Variants in COL19A1 observed in about 807,000 individuals in gnomAD.
The protein encoded by COL19A1 is collagen type XIX alpha 1 chain, also known as collagen alpha-1(XIX) chain.
In COL19A1, 159 loss-of-function variants were observed where a neutral mutation model predicts 190.2. The observed-to-expected ratio is 0.84, with a 90% CI of 0.73 to 0.95. The LOEUF (loss-of-function observed/expected upper bound fraction) is 0.95, where lower values mean the gene tolerates loss of function less well. Among genes scored for constraint, COL19A1 ranks in the 40% least tolerant of loss-of-function variants. COL19A1 has a pLI of 0.00. For synonymous variants in COL19A1, 509 were observed against 458.9 expected, an observed-to-expected ratio of 1.11 and a Z score of -1.39; for missense variants, 1,418 against 1,431.9, an observed-to-expected ratio of 0.99 and a Z score of 0.16.
intron 1 of COL19A1, among the ~76,000 whole-genome samples, chr6:69,869,681 A>T (rs1767707262): frequency 6.6e-6 from 1 of 152,230 alleles, no homozygotes; most frequent in Non-Finnish European, 1.5e-5. Context: ...TTGTAATCAG[A>T]AAAAAATGTA....
At chr6:70,160,153 A>G (rs9454994) in intron 34 of COL19A1, among the ~76,000 whole-genome samples, 115,531 of 151,970 alleles carry the variant, frequency 0.76, 44,842 homozygotes, top group African/African-American at 0.9. Context: ...AATTTATAAA[A>G]GAAAGAGGTT....
Position 70,151,447 on chromosome 6 carries a change from T to C in COL19A1, c.2079+9T>C, listed in dbSNP as rs528261479. 17 of 1,611,676 alleles carry C rather than the reference T, an allele frequency of 1.1e-5. No homozygotes were observed. The African/African-American group carries it at 2.0e-4, about 19-fold the overall frequency. ...TCGGTGCTTTGCTCAAGGTACTCTA[T>C]TGCTATGTAAGAAATTATGTGTTAA... On this transcript the variant is annotated intron_variant, in intron 31 of 50. Transcript: ENST00000620364.
intron 31 of COL19A1, among the ~76,000 whole-genome samples, chr6:70,152,990 G>A (rs943275348): frequency 2.0e-5 from 3 of 152,056 alleles, no homozygotes; most frequent in South Asian, 2.1e-4. Context: ...AATCTCGCCC[G>A]GGAATCATCC....
At chr6:70,044,976 G>A (rs984185022) in intron 14 of COL19A1, among the ~76,000 whole-genome samples, 2 of 151,850 alleles carry the variant, frequency 1.3e-5, no homozygotes, top group South Asian at 2.1e-4. Flanking sequence ...CATTCATTAT[G>A]AGCATGTTTT....
At chr6:69,984,831 A>C (rs60984333) in intron 11 of COL19A1, among the ~76,000 whole-genome samples, 17 of 152,130 alleles carry the variant, frequency 1.1e-4, no homozygotes, top group Non-Finnish European at 2.1e-4. Context: ...TTAGTCTTCT[A>C]TCATTGAGTG....
intron 15 of COL19A1, among the ~76,000 whole-genome samples, chr6:70,099,201 C>T (rs976150199): frequency 3.3e-5 from 5 of 151,832 alleles, no homozygotes. Context: ...GTCACTGATA[C>T]TTGAGACTTA....
chr6:69,977,154 G>C (rs1401982977), intron 11 of COL19A1, among the ~76,000 whole-genome samples: 2 of 152,026 alleles, frequency 1.3e-5, no homozygotes, highest in African/African-American at 4.8e-5. Context: ...CAAACACTTA[G>C]AACCAACCCA....
At chr6:69,915,934 CTT>C (rs10707834) in intron 4 of COL19A1, among the ~76,000 whole-genome samples, 3,571 of 110,840 alleles carry the variant, frequency 0.032, 168 homozygotes, top group African/African-American at 0.12. Context: ...CTCATCTCAT[CTT>C]TTTTTTTTTT....
chr6:69,939,503 A>C (rs1181657657), intron 9 of COL19A1, among the ~76,000 whole-genome samples: 1 of 152,066 alleles, frequency 6.6e-6, no homozygotes, highest in Non-Finnish European at 1.5e-5. Context: ...TGGGATCTGA[A>C]ACCAGTAGGT....
At chr6:70,072,988 T>C (rs1781649335) in intron 15 of COL19A1, among the ~76,000 whole-genome samples, 2 of 151,256 alleles carry the variant, frequency 1.3e-5, no homozygotes, top group South Asian at 2.1e-4. Flanking sequence ...TATTTATTTA[T>C]TTATTTATTT....
chr6:69,959,060 T>A (rs1774607356), intron 9 of COL19A1, among the ~76,000 whole-genome samples: 1 of 152,150 alleles, frequency 6.6e-6, no homozygotes. Context: ...CAAAGTAAAT[T>A]CCTATAAGCA....
intron 8 of COL19A1, among the ~76,000 whole-genome samples, chr6:69,937,349 T>A (rs1773176867): frequency 2.0e-5 from 3 of 152,182 alleles, no homozygotes; most frequent in South Asian, 2.1e-4. Flanking sequence ...TTCAACTGGC[T>A]GTCTCCATCC....
intron 11 of COL19A1, among the ~76,000 whole-genome samples, chr6:69,990,229 A>G (rs1934904): frequency 0.57 from 86,296 of 151,852 alleles, 25,098 homozygotes; most frequent in East Asian, 0.72. Context: ...CTTAGACTCC[A>G]TCTTGTATTA....
At chr6:70,137,793 G>T (rs770359771) in intron 19 of COL19A1, 46 bp downstream of exon 19, 1 of 1,589,744 alleles carries the variant, frequency 6.3e-7, no homozygotes, top group Non-Finnish European at 8.6e-7. Context: ...TCTAAAAAAC[G>T]GGATTAAAAA....
intron 27 of COL19A1, among the ~76,000 whole-genome samples, chr6:70,147,280 T>C (rs1267104542): frequency 6.6e-6 from 1 of 152,176 alleles, no homozygotes; most frequent in African/African-American, 2.4e-5. Flanking sequence ...GGATGGAGTA[T>C]GCATAAGTGA....
intron 15 of COL19A1, among the ~76,000 whole-genome samples, chr6:70,075,926 T>C (rs1375070063): frequency 1.3e-5 from 2 of 152,234 alleles, no homozygotes; most frequent in African/African-American, 2.4e-5. Flanking sequence ...ATAAGTTTTC[T>C]CTTTTATATG....
chr6:70,133,938 C>T (rs1785672739), intron 18 of COL19A1, among the ~76,000 whole-genome samples: 1 of 152,192 alleles, frequency 6.6e-6, no homozygotes, highest in Non-Finnish European at 1.5e-5. Flanking sequence ...TGTCCTGCCC[C>T]TGTTTACCTG....
At chr6:70,101,840 GA>G (rs1783649540) in intron 15 of COL19A1, among the ~76,000 whole-genome samples, 1 of 152,018 alleles carries the variant, frequency 6.6e-6, no homozygotes, top group Non-Finnish European at 1.5e-5. Context: ...TATTGCATCC[GA>G]AACCACAGAA....
chr6:69,968,802 A>T (rs1775260830), intron 11 of COL19A1, among the ~76,000 whole-genome samples: 1 of 152,190 alleles, frequency 6.6e-6, no homozygotes, highest in African/African-American at 2.4e-5. Flanking sequence ...AAGGATGTTT[A>T]TATAATATAC....
Sources: gnomAD v4.1 joint callset for allele counts (sites outside exome capture counted in the v4.1 genomes callset) on GRCh38, gnomAD v4.1.1 for gene constraint, MANE v1.5 for transcripts, NCBI Gene and HGNC (gene_info 2026-07-23, HGNC 2026-07-21) for gene names.